Variants in DLGAP2 observed in about 807,000 individuals in gnomAD.
DLGAP2 encodes the protein disks large-associated protein 2.
A neutral mutation model predicts 100.3 loss-of-function variants in DLGAP2; 26 were observed. That is an observed-to-expected ratio of 0.26 (90% confidence interval 0.19 to 0.36). The LOEUF (loss-of-function observed/expected upper bound fraction) is 0.36. Among genes scored for constraint, DLGAP2 ranks in the 10% least tolerant of loss-of-function variants. The pLI is 1.00. For synonymous variants in DLGAP2, 886 were observed against 630.1 expected, an observed-to-expected ratio of 1.41 and a Z score of -6.08; for missense variants, 1,858 against 1,453.2, an observed-to-expected ratio of 1.28 and a Z score of -4.53.
intron 6 of DLGAP2, among the ~76,000 whole-genome samples, chr8:1,584,108 C>T (rs1357611071): frequency 1.3e-5 from 2 of 152,138 alleles, no homozygotes; most frequent in Non-Finnish European, 2.9e-5. Context: ...TCTCATTTAT[C>T]ATTGCCATTG....
intron 1 of DLGAP2, among the ~76,000 whole-genome samples, chr8:829,914 A>C (rs1245453069): frequency 1.3e-5 from 2 of 152,250 alleles, no homozygotes; most frequent in Non-Finnish European, 2.9e-5. Context: ...TTTATGTACC[A>C]GTCTCTTGTT....
chr8:779,270 C>G lies in DLGAP2; in HGVS notation c.18+41445C>G, dbSNP rs1563427590. On this transcript the variant is annotated intron_variant, in intron 1 of 14. Transcript: ENST00000637795. The stretch of plus-strand genomic sequence containing the variant: ...CTCCCTAGTGAGATGAACCTGGTAC[C>G]TCAGATGGAAATGCAGAAATCACCC... Among the ~76,000 whole-genome samples the G allele has an allele frequency of 2.6e-5, 4 of 152,316 alleles. No individual in the cohort carries two copies. The South Asian group carries it at 8.3e-4, about 32-fold the overall frequency.
Position 1,701,256 on chromosome 8 carries a change from A to G in DLGAP2, c.3018A>G (p.Glu1006=). 1 of 1,581,694 alleles carries G rather than the reference A, an allele frequency of 6.3e-7. No individual in the cohort carries two copies. The highest frequency in any genetic ancestry group is 8.6e-7 in the Non-Finnish European group (1 of 1,164,540). The part of the protein sequence containing the change: ...PPKGKFPITR[E]KSLDLPDRQR... ...AGGGGAAGTTTCCCATCACAAGAGA[A>G]AAATCCCTGGACCTGCCCGACAGAC... Residue 1006 remains glutamate, a synonymous_variant, in exon 15 of 15, where the codon GAA becomes GAG. Transcript: ENST00000637795.
At chr8:1,448,876 A>G (rs184085886) in intron 3 of DLGAP2, among the ~76,000 whole-genome samples, 1 of 152,198 alleles carries the variant, frequency 6.6e-6, no homozygotes, top group Non-Finnish European at 1.5e-5. Context: ...CCTGACCCAT[A>G]ATAGCATGTC....
intron 2 of DLGAP2, among the ~76,000 whole-genome samples, chr8:1,169,461 A>G (rs927296745): frequency 5.3e-5 from 8 of 152,100 alleles, no homozygotes; most frequent in African/African-American, 1.4e-4. Context: ...GAATCTATCA[A>G]TTACCCTGGG....
chr8:1,461,019 C>T (rs188749791), intron 3 of DLGAP2, among the ~76,000 whole-genome samples: 1 of 152,042 alleles, frequency 6.6e-6, no homozygotes, highest in Non-Finnish European at 1.5e-5. Flanking sequence ...GCAGCTCTCA[C>T]GTGGGCTGGG....
chr8:1,366,758 G>A (rs73528813), intron 3 of DLGAP2, among the ~76,000 whole-genome samples: 3,531 of 152,274 alleles, frequency 0.023, 121 homozygotes, highest in African/African-American at 0.081. Context: ...CAGGAGGCTG[G>A]ACCTTCTGTC....
intron 2 of DLGAP2, among the ~76,000 whole-genome samples, chr8:1,194,981 G>T (rs192122344): frequency 6.6e-6 from 1 of 152,122 alleles, no homozygotes; most frequent in Non-Finnish European, 1.5e-5. Flanking sequence ...CACCCCCTCC[G>T]CTCTCCCGGC....
chr8:951,164 G>A (rs1409383310), intron 2 of DLGAP2, among the ~76,000 whole-genome samples: 1 of 151,880 alleles, frequency 6.6e-6, no homozygotes, highest in Non-Finnish European at 1.5e-5. Flanking sequence ...ATTCCATTGT[G>A]TGCCTATACC....
intron 3 of DLGAP2, chr8:1,369,165 A>C (rs560518239): frequency 6.6e-6 from 1 of 152,276 alleles, no homozygotes; most frequent in Admixed American, 6.5e-5. Context: ...TTTTGATCAA[A>C]GCTTTCAAGG....
rs142577358 is a variant in DLGAP2 at position 1,052,901 on chromosome 8, C to A, written c.73+144935C>A. Among the ~76,000 whole-genome samples, 825 of 152,318 alleles carry A rather than the reference C, an allele frequency of 5.4e-3. 6 individuals carry two copies. Among genetic ancestry groups the A allele is most frequent in the African/African-American group, 0.019 (769 of 41,558 alleles). On this transcript the variant is annotated intron_variant, in intron 2 of 14. Coordinates refer to ENST00000637795, the MANE Select transcript of DLGAP2 (RefSeq NM_001346810.2). ...TGTAATATTCAAACTCATTATTAAT[C>A]TTCCCCCAAATGTCTATATAGAGAA...
At chr8:1,624,201 G>A (rs1339565646) in intron 6 of DLGAP2, among the ~76,000 whole-genome samples, 1 of 152,192 alleles carries the variant, frequency 6.6e-6, no homozygotes, top group Non-Finnish European at 1.5e-5. Flanking sequence ...AGGAACGGCT[G>A]TTGTATTGGA....
intron 3 of DLGAP2, among the ~76,000 whole-genome samples, chr8:1,419,992 C>T (rs918737585): frequency 6.6e-6 from 1 of 152,180 alleles, no homozygotes; most frequent in Non-Finnish European, 1.5e-5. Flanking sequence ...TACAGTTCAG[C>T]TGTAAAAAGA....
intron 4 of DLGAP2, among the ~76,000 whole-genome samples, chr8:1,502,842 C>T (rs551226738): frequency 2.6e-4 from 40 of 152,236 alleles, no homozygotes; most frequent in Admixed American, 1.7e-3. Flanking sequence ...TCCATAGCAG[C>T]GGCGCCCACG....
intron 3 of DLGAP2, among the ~76,000 whole-genome samples, chr8:1,421,032 A>G (rs1353400917): frequency 6.6e-6 from 1 of 152,180 alleles, no homozygotes; most frequent in Non-Finnish European, 1.5e-5. Flanking sequence ...AAGTTGTGTT[A>G]TAGACTTCCC....
At chr8:893,870 A>G (rs1302437171) in intron 1 of DLGAP2, among the ~76,000 whole-genome samples, 2 of 152,174 alleles carry the variant, frequency 1.3e-5, no homozygotes, top group Non-Finnish European at 2.9e-5. Context: ...TGCTGTGACA[A>G]TGCGGATGTG....
intron 2 of DLGAP2, among the ~76,000 whole-genome samples, chr8:1,216,101 G>A (rs1798207447): frequency 6.6e-6 from 1 of 152,192 alleles, no homozygotes; most frequent in African/African-American, 2.4e-5. Flanking sequence ...TGTGAAAGGA[G>A]GTTCTGTTTT....
chr8:771,499 T>C (rs1282750047), intron 1 of DLGAP2, among the ~76,000 whole-genome samples: 1 of 152,240 alleles, frequency 6.6e-6, no homozygotes, highest in South Asian at 2.1e-4. Flanking sequence ...CGGCTAGCTC[T>C]GTCACTAAGT....
At chr8:1,389,017 G>A (rs923268796) in intron 3 of DLGAP2, among the ~76,000 whole-genome samples, 7 of 148,584 alleles carry the variant, frequency 4.7e-5, no homozygotes, top group Non-Finnish European at 8.9e-5. Context: ...AGCAGAGGCC[G>A]TGGATGAGGA....
Sources: allele counts gnomAD v4.1 joint callset (sites outside exome capture counted in the v4.1 genomes callset), GRCh38; gene constraint gnomAD v4.1.1; transcripts MANE v1.5; gene names NCBI Gene and HGNC (gene_info 2026-07-23, HGNC 2026-07-21).